Variants in WASL observed in about 807,000 individuals in gnomAD.
WASL encodes actin nucleation-promoting factor WASL.
A neutral mutation model predicts 55.5 loss-of-function variants in WASL; 20 were observed. The ratio of observed to expected loss-of-function variants is 0.36; its 90% CI spans 0.25 to 0.52. The LOEUF (loss-of-function observed/expected upper bound fraction) is 0.52. Ranked by LOEUF, WASL falls within the 20% of genes least tolerant of loss-of-function variation. The pLI is 0.92. For synonymous variants in WASL, 249 were observed against 217.6 expected, an observed-to-expected ratio of 1.14 and a Z score of -1.27; for missense variants, 504 against 622.5, an observed-to-expected ratio of 0.81 and a Z score of 2.03.
At chr7:123,690,671 T>C (rs374798320) in intron 9 of WASL, among the ~76,000 whole-genome samples, 2 of 122,134 alleles carry the variant, frequency 1.6e-5, no homozygotes, top group African/African-American at 2.9e-5. Context: ...ATGGAGAAAG[T>C]AAATAGAAAT....
intron 1 of WASL, among the ~76,000 whole-genome samples, chr7:123,711,898 T>C (rs1401362911): frequency 6.6e-6 from 1 of 152,158 alleles, no homozygotes; most frequent in East Asian, 1.9e-4. Context: ...TGTATCAACT[T>C]TGGTAGAAAC....
intron 3 of WASL, 107 bp from the exon 4 acceptor site, chr7:123,706,480 AT>A (rs1436814386): frequency 9.5e-7 from 1 of 1,049,256 alleles, no homozygotes; most frequent in Non-Finnish European, 1.4e-6. Flanking sequence ...CGAAAGGTTA[AT>A]TTTACTAGCA....
intron 1 of WASL, among the ~76,000 whole-genome samples, chr7:123,734,240 G>A (rs892296940): frequency 5.3e-5 from 8 of 152,106 alleles, no homozygotes; most frequent in Non-Finnish European, 1.0e-4. Flanking sequence ...ACACACAGCT[G>A]ATACAGGAAT....
At chr7:123,736,738 C>T (rs536018891) in intron 1 of WASL, among the ~76,000 whole-genome samples, 28 of 152,058 alleles carry the variant, frequency 1.8e-4, no homozygotes, top group African/African-American at 6.5e-4. Context: ...CAGAAGAAAA[C>T]AAGACAAATA....
At chr7:123,748,382 T>G (rs945053282) in intron 1 of WASL, among the ~76,000 whole-genome samples, 1 of 151,976 alleles carries the variant, frequency 6.6e-6, no homozygotes, top group Non-Finnish European at 1.5e-5. Context: ...AGGACAGGCC[T>G]GCGGAGGTGA....
chr7:123,692,334 A>AAAGCTTACTT lies in WASL; in HGVS notation c.1347+3_1347+12dup. The AAAGCTTACTT allele has an allele frequency of 6.3e-7, 1 of 1,585,792 alleles. No individual in the cohort carries two copies. ...TAAAGGATCTAAAATGAAAAAAAAAAAAGCTTACTTACAGATTTTAGTTGG... is the reference window on the plus strand; with the variant it reads ...TAAAGGATCTAAAATGAAAAAAAAAAAAGCTTACTTAAGCTTACTTACAGATTTTAGTTGG... On this transcript the variant is annotated intron_variant, in intron 9 of 10. Transcript: ENST00000223023.
chr7:123,733,905 C>A (rs1404792034), intron 1 of WASL, among the ~76,000 whole-genome samples: 2 of 118,086 alleles, frequency 1.7e-5, no homozygotes, highest in South Asian at 3.2e-4. Flanking sequence ...AGCTAGACAT[C>A]CACGTGCCAA....
At chr7:123,710,250 C>A (rs1471974228) in intron 1 of WASL, among the ~76,000 whole-genome samples, 2 of 150,764 alleles carry the variant, frequency 1.3e-5, no homozygotes, top group African/African-American at 2.4e-5. Flanking sequence ...TTAAGAAAAT[C>A]ATTTAGAATA....
intron 1 of WASL, among the ~76,000 whole-genome samples, chr7:123,719,321 T>C (rs1803897418): frequency 1.3e-5 from 2 of 152,176 alleles, no homozygotes; most frequent in South Asian, 2.1e-4. Flanking sequence ...CTCTCTCATA[T>C]CCTGATCCTT....
At chr7:123,737,037 A>G (rs1445082927) in intron 1 of WASL, among the ~76,000 whole-genome samples, 1 of 152,218 alleles carries the variant, frequency 6.6e-6, no homozygotes. Flanking sequence ...AACTTCAAAA[A>G]TAAGTCTAAG....
Position 123,692,412 on chromosome 7 carries a change from G to T in WASL, c.1282C>A (p.Pro428Thr). The change falls in exon 9 of 11, where the codon CCA becomes ACA. Residue 428 changes from proline (P) to threonine (T), a missense_variant. By Grantham distance (38) the Pro-to-Thr change is conservative (BLOSUM62 -1). Coordinates refer to ENST00000223023, the MANE Select transcript of WASL (RefSeq NM_003941.4). ...GCATCTCGTCCAGAGCAGGACACTG[G>T]CCGACTGTTCTGCTCCACTTTTTTT... ...QLKKVEQNSR[P>T]VSCSGRDALL... 6.2e-7 allele frequency: 1 copy of T among 1,613,990 alleles called. No individual in the cohort carries two copies. Among genetic ancestry groups the T allele is most frequent in the Non-Finnish European group, 8.5e-7 (1 of 1,180,022 alleles).
intron 1 of WASL, among the ~76,000 whole-genome samples, chr7:123,747,256 T>C (rs934747889): frequency 1.3e-5 from 2 of 152,232 alleles, no homozygotes; most frequent in African/African-American, 4.8e-5. Context: ...ATCAGTTTTC[T>C]CATTTGTTGA....
At chr7:123,696,427 AC>A in intron 6 of WASL, 151 bp downstream of exon 6, 17 of 601,448 alleles carry the variant, frequency 2.8e-5, no homozygotes, top group East Asian at 1.1e-4. Context: ...AAAAAAAAAA[AC>A]TCCAATAAAG....
At chr7:123,704,567 CAT>C (rs1803638119) in intron 5 of WASL, 65 bp downstream of exon 5, 7 of 1,266,560 alleles carry the variant, frequency 5.5e-6, no homozygotes, top group Non-Finnish European at 2.2e-6. Context: ...ATGTATGGTA[CAT>C]GTTTCCACAA....
In WASL at chr7:123,700,175, C is replaced by CAAAA. The variant is rs1168168286; in HGVS notation, c.461-3432_461-3429dup. Among the ~76,000 whole-genome samples the CAAAA allele has an allele frequency of 8.2e-4, 39 of 47,352 alleles. 1 individual carries two copies. Among genetic ancestry groups the CAAAA allele is most frequent in the African/African-American group, 2.0e-3 (27 of 13,328 alleles). 31.1% of individuals were successfully genotyped at this position (47,352 alleles called of 152,430 possible). The stretch of plus-strand genomic sequence containing the variant: ...TGGGCAACAGAGCGAAACTCCGTCT[C>CAAAA]AAAAAAAAAAAAAAAAAAAAAAAAA... On this transcript the variant is annotated intron_variant, in intron 5 of 10. Coordinates refer to ENST00000223023, the MANE Select transcript of WASL (RefSeq NM_003941.4).
chr7:123,748,105 G>C (rs1386566169), intron 1 of WASL, among the ~76,000 whole-genome samples: 1 of 152,066 alleles, frequency 6.6e-6, no homozygotes, highest in Non-Finnish European at 1.5e-5. Flanking sequence ...AATCCGAAGA[G>C]AGCCCAGGCT....
chr7:123,743,856 G>A (rs1804388212), intron 1 of WASL, among the ~76,000 whole-genome samples: 1 of 152,164 alleles, frequency 6.6e-6, no homozygotes, highest in South Asian at 2.1e-4. Context: ...ATAACCAGAA[G>A]TAAAATTCAT....
At chr7:123,721,820 G>C (rs1300131836) in intron 1 of WASL, among the ~76,000 whole-genome samples, 1 of 152,164 alleles carries the variant, frequency 6.6e-6, no homozygotes, top group Non-Finnish European at 1.5e-5. Context: ...TCAGGAGGCT[G>C]AGGCAAGAGA....
chr7:123,732,202 CGCCT>C (rs1562965488), intron 1 of WASL, among the ~76,000 whole-genome samples: 1 of 151,986 alleles, frequency 6.6e-6, no homozygotes, highest in Admixed American at 6.6e-5. Flanking sequence ...TGGTGGCGGA[CGCCT>C]GTAGTCCCGG....
Sources: gnomAD v4.1 joint callset for allele counts (sites outside exome capture counted in the v4.1 genomes callset) on GRCh38, gnomAD v4.1.1 for gene constraint, MANE v1.5 for transcripts, NCBI Gene and HGNC (gene_info 2026-07-23, HGNC 2026-07-21) for gene names.